ATP8B1: variants seen among roughly 807,000 people sequenced by gnomAD.
The protein encoded by ATP8B1 is phospholipid-transporting ATPase IC.
Under a neutral mutation model 149.9 loss-of-function variants are expected in ATP8B1, and 80 were observed. The observed-to-expected ratio is 0.53, with a 90% CI of 0.45 to 0.64. ATP8B1 has a LOEUF of 0.64. Among genes scored for constraint, ATP8B1 ranks in the 30% least tolerant of loss-of-function variants. The probability of loss-of-function intolerance (pLI) is 0.00; values close to 1 mark genes in which losing one functional copy is unlikely to be tolerated. For missense variants in ATP8B1, 1,247 were observed against 1,552.6 expected, an observed-to-expected ratio of 0.80 and a Z score of 3.31; for synonymous variants, 536 against 562.8, an observed-to-expected ratio of 0.95 and a Z score of 0.67.
At chr18:57,746,932 C>G (rs774198930) in intron 1 of ATP8B1, among the ~76,000 whole-genome samples, 2 of 152,230 alleles carry the variant, frequency 1.3e-5, no homozygotes, top group African/African-American at 2.4e-5. Context: ...AGAGTTGAAA[C>G]TTGCCACATT....
At chr18:57,787,081 T>C (rs1338589245) in intron 1 of ATP8B1, among the ~76,000 whole-genome samples, 1 of 152,172 alleles carries the variant, frequency 6.6e-6, no homozygotes, top group Non-Finnish European at 1.5e-5. Flanking sequence ...AGTATTCAAA[T>C]ACAAAATTTT....
chr18:57,732,307 ATGTG>A (rs749318385), intron 1 of ATP8B1, among the ~76,000 whole-genome samples: 10,075 of 25,384 alleles, frequency 0.4, 1,869 homozygotes, highest in Middle Eastern at 0.62. Flanking sequence ...ATGTGTATAT[ATGTG>A]TGTATATATG....
At chr18:57,779,237 C>G (rs1451616421) in intron 1 of ATP8B1, among the ~76,000 whole-genome samples, 2 of 151,944 alleles carry the variant, frequency 1.3e-5, no homozygotes, top group Non-Finnish European at 2.9e-5. Context: ...ATTGCTTGAG[C>G]CTGGGAGGTC....
chr18:57,706,391 G>T, intron 3 of ATP8B1, 99 bp downstream of exon 3: 1 of 906,800 alleles, frequency 1.1e-6, no homozygotes, highest in Non-Finnish European at 1.8e-6. Context: ...CAGGCAGGTG[G>T]TTACGTGGAA....
chr18:57,781,892 G>A (rs1380823282), intron 1 of ATP8B1, among the ~76,000 whole-genome samples: 1 of 152,240 alleles, frequency 6.6e-6, no homozygotes, highest in Non-Finnish European at 1.5e-5. Context: ...GGCTGAGGCT[G>A]GAGGATGGCC....
intron 1 of ATP8B1, among the ~76,000 whole-genome samples, chr18:57,772,515 T>C (rs914006160): frequency 1.3e-5 from 2 of 152,080 alleles, no homozygotes; most frequent in South Asian, 4.1e-4. Context: ...AAGAGGAGAC[T>C]GGAAAGCAGA....
rs1228505960 is a variant in ATP8B1, at chr18:57,647,217, ATATT to A, written c.*1267_*1270del. On this transcript the variant is annotated 3_prime_UTR_variant, in exon 28 of 28. Transcript: ENST00000648908. ...AAAAACCCCCTTTTTAAGCCCATAA[ATATT>A]TATATGCTTTAAAAAATGAGAGTAG... The A allele has an allele frequency of 6.6e-6, 1 of 152,216 alleles. No homozygotes were observed. The highest frequency in any genetic ancestry group is 2.4e-5 in the African/African-American group (1 of 41,454). 9.4% of individuals were successfully genotyped at this position (152,216 alleles called of 1,614,324 possible). A position where few individuals can be genotyped will look rare whatever the true frequency, so the allele number is the denominator to read the frequency against.
intron 1 of ATP8B1, among the ~76,000 whole-genome samples, chr18:57,760,179 C>T (rs1383841552): frequency 1.3e-5 from 2 of 152,150 alleles, no homozygotes; most frequent in African/African-American, 2.4e-5. Flanking sequence ...TATCCTCCCA[C>T]ATAGTGATTT....
intron 11 of ATP8B1, among the ~76,000 whole-genome samples, chr18:57,693,572 G>A (rs1478299246): frequency 6.6e-6 from 1 of 152,120 alleles, no homozygotes. Flanking sequence ...GCCAGGTGTG[G>A]TGGCAGGTGC....
chr18:57,787,828 C>T (rs780583346), intron 1 of ATP8B1, among the ~76,000 whole-genome samples: 4 of 152,138 alleles, frequency 2.6e-5, no homozygotes, highest in Non-Finnish European at 4.4e-5. Context: ...AAATAGGCCT[C>T]ATTTAAAATT....
At chr18:57,668,696 G>C (rs903236272) in intron 18 of ATP8B1, 156 bp from the exon 19 acceptor site, 2 of 582,184 alleles carry the variant, frequency 3.4e-6, no homozygotes, top group Non-Finnish European at 6.0e-6. Context: ...AGGGAAGGCT[G>C]CCATGTTTCA....
chr18:57,671,795 A>C (rs574832195), intron 16 of ATP8B1, among the ~76,000 whole-genome samples: 2 of 151,670 alleles, frequency 1.3e-5, no homozygotes, highest in East Asian at 3.9e-4. Context: ...GCTAATTTTT[A>C]TTTTTATAGA....
At position 57,673,709 on chromosome 18, in the gene ATP8B1, A is replaced by C. The variant is rs1232560372; in HGVS notation, c.1819+1125T>G. ...ATCTATATATAGAGATATGTAAATG[A>C]AATTTCATTATGTTAACAATTGGTG... On this transcript the variant is annotated intron_variant, in intron 16 of 27. Transcript: ENST00000648908. 2.6e-5 allele frequency among the ~76,000 whole-genome samples: 4 copies of C among 151,946 alleles called. No homozygotes were observed. In the East Asian group the frequency reaches 7.7e-4, roughly 29 times the overall value.
chr18:57,719,696 A>G (rs2079621085), intron 2 of ATP8B1, among the ~76,000 whole-genome samples: 1 of 152,192 alleles, frequency 6.6e-6, no homozygotes, highest in African/African-American at 2.4e-5. Flanking sequence ...GGTGCCCGCC[A>G]TTGCCCAGGC....
At chr18:57,697,212 G>A (rs2122907512) in intron 8 of ATP8B1, among the ~76,000 whole-genome samples, 1 of 152,252 alleles carries the variant, frequency 6.6e-6, no homozygotes, top group East Asian at 1.9e-4. Context: ...GCAGTGAGCT[G>A]AGATAGCACC....
At chr18:57,783,567 G>A (rs2080377357) in intron 1 of ATP8B1, among the ~76,000 whole-genome samples, 1 of 152,188 alleles carries the variant, frequency 6.6e-6, no homozygotes, top group Non-Finnish European at 1.5e-5. Flanking sequence ...CGGGCATAGT[G>A]GCTCATACCT....
intron 1 of ATP8B1, among the ~76,000 whole-genome samples, chr18:57,771,238 T>G (rs1301760497): frequency 6.6e-6 from 1 of 152,234 alleles, no homozygotes; most frequent in African/African-American, 2.4e-5. Flanking sequence ...ATGGTAAGTC[T>G]TATATCACAA....
chr18:57,792,303 AT>A (rs33945392), intron 1 of ATP8B1, among the ~76,000 whole-genome samples: 11,753 of 147,760 alleles, frequency 0.08, 1,359 homozygotes, highest in African/African-American at 0.25. Flanking sequence ...AATTTTATTA[AT>A]TTTTTTTTTT....
intron 22 of ATP8B1, among the ~76,000 whole-genome samples, chr18:57,658,664 TGTGTTC>T (rs1910177190): frequency 6.8e-6 from 1 of 148,124 alleles, no homozygotes; most frequent in Non-Finnish European, 1.5e-5. Flanking sequence ...TGTGTGTGTG[TGTGTTC>T]TTTTTTGTTG....
Sources: gnomAD v4.1 joint callset for allele counts (sites outside exome capture counted in the v4.1 genomes callset) on GRCh38, gnomAD v4.1.1 for gene constraint, MANE v1.5 for transcripts, NCBI Gene and HGNC (gene_info 2026-07-23, HGNC 2026-07-21) for gene names.